The following RUNX1 variants were observed in gnomAD, a reference collection of about 807,000 sequenced individuals.
The protein encoded by RUNX1 is RUNX family transcription factor 1.
RUNX1 carries 19 observed loss-of-function variants against 42.8 expected under a neutral mutation model. That is an observed-to-expected ratio of 0.44 (90% CI 0.31 to 0.65). The LOEUF is 0.65. Ranked by LOEUF, RUNX1 falls within the 30% of genes least tolerant of loss-of-function variation. The pLI, the probability that RUNX1 is intolerant of heterozygous loss-of-function variation, is 0.07. For synonymous variants in RUNX1, 271 were observed against 289.4 expected, an observed-to-expected ratio of 0.94 and a Z score of 0.64; for missense variants, 528 against 672.0, an observed-to-expected ratio of 0.79 and a Z score of 2.37.
intron 6 of RUNX1, among the ~76,000 whole-genome samples, chr21:34,842,319 C>G (rs1475231350): frequency 3.3e-5 from 5 of 151,698 alleles, no homozygotes; most frequent in African/African-American, 1.2e-4. Context: ...ATTGTGAAAC[C>G]CCATCTCCAC....
At chr21:34,796,697 A>G (rs1381636999) in intron 8 of RUNX1, among the ~76,000 whole-genome samples, 1 of 152,236 alleles carries the variant, frequency 6.6e-6, no homozygotes, top group African/African-American at 2.4e-5. Flanking sequence ...CCAGAGGATT[A>G]AACAACCTGA....
At chr21:35,022,097 C>T (rs1051343893) in intron 2 of RUNX1, among the ~76,000 whole-genome samples, 1 of 152,160 alleles carries the variant, frequency 6.6e-6, no homozygotes, top group Non-Finnish European at 1.5e-5. Context: ...GATCATTGTC[C>T]CCTCCAGACT....
intron 6 of RUNX1, among the ~76,000 whole-genome samples, chr21:34,852,403 A>G (rs2065758592): frequency 6.6e-6 from 1 of 152,152 alleles, no homozygotes; most frequent in South Asian, 2.1e-4. Flanking sequence ...CTCTAGGGTC[A>G]AGGAAGTCTG....
At position 35,038,305 on chromosome 21, in the gene RUNX1, G is replaced by A. The variant is rs145663311; in HGVS notation, c.58+10537C>T. On this transcript the variant is annotated intron_variant, in intron 2 of 8. Coordinates refer to ENST00000675419, the MANE Select transcript of RUNX1 (RefSeq NM_001754.5). ...TGAGCTTGGGCCTATCTTCCTCCTG[G>A]CCTCCCTATCAAAGGCAACTCGTAG... 1.6e-4 allele frequency: 52 copies of A among 318,512 alleles called. 1 individual carries two copies. In the Admixed American group the frequency reaches 2.1e-3, roughly 13 times the overall value. 19.7% of individuals were successfully genotyped at this position (318,512 alleles called of 1,614,324 possible).
intron 2 of RUNX1, among the ~76,000 whole-genome samples, chr21:34,951,760 A>T (rs924304143): frequency 1.9e-4 from 29 of 152,286 alleles, no homozygotes; most frequent in African/African-American, 7.0e-4. Context: ...GAAATAGGAA[A>T]GCTTTTACAC....
At chr21:34,842,314 G>A (rs1419644520) in intron 6 of RUNX1, among the ~76,000 whole-genome samples, 2 of 151,880 alleles carry the variant, frequency 1.3e-5, no homozygotes, top group East Asian at 3.9e-4. Context: ...CCAACATTGT[G>A]AAACCCCATC....
rs16992463 is a variant in RUNX1 at position 34,882,620 on chromosome 21, A to C, written c.352-1907T>G. 9.9e-3 allele frequency among the ~76,000 whole-genome samples: 1,507 copies of C among 151,590 alleles called. 26 individuals are homozygous for C. The highest frequency in any genetic ancestry group is 0.035 in the African/African-American group (1,453 of 41,324). On this transcript the variant is annotated intron_variant, in intron 4 of 8. Transcript: ENST00000675419. ...TTTAATTAAGAGCAGTGATACGACA[A>C]TTCCCTTTTTGTTTTAAAAAGATAT...
intron 2 of RUNX1, among the ~76,000 whole-genome samples, chr21:34,896,563 A>G (rs2058131858): frequency 6.6e-6 from 1 of 152,158 alleles, no homozygotes; most frequent in Admixed American, 6.5e-5. Flanking sequence ...GGCACCTGTA[A>G]TCCCAGCTAT....
chr21:34,846,405 A>G (rs1174702661), intron 6 of RUNX1, among the ~76,000 whole-genome samples: 4 of 151,390 alleles, frequency 2.6e-5, no homozygotes, highest in Admixed American at 1.3e-4. Context: ...TTGGCAGGAC[A>G]TCCCAGGGGC....
chr21:34,943,962 A>T (rs1300199778), intron 2 of RUNX1, among the ~76,000 whole-genome samples: 1 of 152,200 alleles, frequency 6.6e-6, no homozygotes, highest in Non-Finnish European at 1.5e-5. Context: ...GGAAGAAAAA[A>T]AAGGAGTTTA....
intron 3 of RUNX1, among the ~76,000 whole-genome samples, chr21:34,891,746 G>A (rs1297265146): frequency 6.6e-6 from 1 of 152,088 alleles, no homozygotes; most frequent in African/African-American, 2.4e-5. Context: ...ACGTTGGGCG[G>A]ATGCTACGTG....
At position 34,894,836 on chromosome 21, in the gene RUNX1, T is replaced by A. The variant is rs1417403178; in HGVS notation, c.59-1873A>T. 2.0e-5 allele frequency among the ~76,000 whole-genome samples: 3 copies of A among 149,538 alleles called. No homozygotes were observed. In the South Asian group the frequency reaches 6.3e-4, roughly 31 times the overall value. ...ATAAGGAACCTCACCCTTGGAGAGT[T>A]CAGGTAACTTGCCCAAATTCACATC... On this transcript the variant is annotated intron_variant, in intron 2 of 8. Transcript: ENST00000675419.
At chr21:34,890,332 T>A (rs2058066145) in intron 3 of RUNX1, among the ~76,000 whole-genome samples, 1 of 152,072 alleles carries the variant, frequency 6.6e-6, no homozygotes, top group Non-Finnish European at 1.5e-5. Context: ...GAACTAGCGT[T>A]CGAGGATAAA....
At chr21:34,842,144 A>C (rs1025291454) in intron 6 of RUNX1, among the ~76,000 whole-genome samples, 2 of 152,176 alleles carry the variant, frequency 1.3e-5, no homozygotes, top group Non-Finnish European at 2.9e-5. Context: ...AACTACAGAA[A>C]AACTTCTTGT....
chr21:34,980,549 G>C (rs770894971), intron 2 of RUNX1, among the ~76,000 whole-genome samples: 9 of 152,190 alleles, frequency 5.9e-5, no homozygotes, highest in Non-Finnish European at 1.2e-4. Context: ...TGAACAAAGA[G>C]ACACGAATTA....
At chr21:34,884,584 A>G (rs1315222589) in intron 4 of RUNX1, among the ~76,000 whole-genome samples, 1 of 152,212 alleles carries the variant, frequency 6.6e-6, no homozygotes, top group Non-Finnish European at 1.5e-5. Context: ...AGGGACACAC[A>G]CTAAATGAGC....
At chr21:35,022,861 C>G (rs556391809) in intron 2 of RUNX1, among the ~76,000 whole-genome samples, 3 of 142,932 alleles carry the variant, frequency 2.1e-5, no homozygotes, top group African/African-American at 7.7e-5. Flanking sequence ...CGCCAGTGCA[C>G]TCCAGTCTGG....
chr21:35,043,417 T>C (rs1481242870), intron 2 of RUNX1, among the ~76,000 whole-genome samples: 2 of 152,324 alleles, frequency 1.3e-5, no homozygotes, highest in African/African-American at 4.8e-5. Flanking sequence ...CCAGTGTAGC[T>C]TCTGAAGATT....
At chr21:34,916,903 C>T (rs2058315994) in intron 2 of RUNX1, among the ~76,000 whole-genome samples, 2 of 152,182 alleles carry the variant, frequency 1.3e-5, no homozygotes. Flanking sequence ...GGAAAGGCAT[C>T]ATGATTGCTC....
Sources: allele counts gnomAD v4.1 joint callset (sites outside exome capture counted in the v4.1 genomes callset), GRCh38; gene constraint gnomAD v4.1.1; transcripts MANE v1.5; gene names NCBI Gene and HGNC (gene_info 2026-07-23, HGNC 2026-07-21).